CORO2B: variants seen among roughly 807,000 people sequenced by gnomAD.
CORO2B encodes coronin 2B, also known as coronin-2B.
A neutral mutation model predicts 58.8 loss-of-function variants in CORO2B; 26 were observed. The observed-to-expected ratio is 0.44, with a 90% CI of 0.32 to 0.61. The LOEUF (loss-of-function observed/expected upper bound fraction) is 0.61. Ranked by LOEUF, CORO2B falls within the 20% of genes least tolerant of loss-of-function variation. The pLI, the probability that CORO2B is intolerant of heterozygous loss-of-function variation, is 0.04. For missense variants in CORO2B, 460 were observed against 645.1 expected (o/e 0.71, Z 3.11); for synonymous variants, 242 against 253.8 (o/e 0.95, Z 0.44).
chr15:68,622,974 G>T (rs1438237972), intron 1 of CORO2B, among the ~76,000 whole-genome samples: 2 of 152,106 alleles, frequency 1.3e-5, no homozygotes, highest in Non-Finnish European at 2.9e-5. Context: ...GCCCTAGGAG[G>T]TAAACCCCAT....
At position 68,715,162 on chromosome 15, in the gene CORO2B, G is replaced by C. The variant is rs540662795; in HGVS notation, c.871-53G>C. The C allele has an allele frequency of 5.8e-5, 88 of 1,514,150 alleles. 1 individual carries two copies. Among genetic ancestry groups the C allele is most frequent in the Non-Finnish European group, 7.2e-5 (78 of 1,089,832 alleles). 93.8% of individuals were successfully genotyped at this position (1,514,150 alleles called of 1,614,324 possible). A position where few individuals can be genotyped will look rare whatever the true frequency, so the allele number is the denominator to read the frequency against. ...CAGCTGGCTCCTGGGACCAGGCCCT[G>C]CTCTGCCCTCCCTACCTGCCACCTT... On this transcript the variant is annotated intron_variant, in intron 7 of 11. Coordinates refer to ENST00000261861, the MANE Select transcript of CORO2B (RefSeq NM_006091.5).
chr15:68,594,476 C>T (rs1241635678), intron 1 of CORO2B, among the ~76,000 whole-genome samples: 1 of 152,214 alleles, frequency 6.6e-6, no homozygotes. Flanking sequence ...TATCTTGTAT[C>T]TCCCATGGCC....
In CORO2B at chr15:68,719,507, C is replaced by T. The variant is rs112281071; in HGVS notation, c.1266C>T (p.Asn422=). 9.9e-6 allele frequency: 16 copies of T among 1,613,900 alleles called. No homozygotes were observed. The highest frequency in any genetic ancestry group is 6.7e-5 in the East Asian group (3 of 44,894). The part of the protein sequence containing the change: ...PIKEKKSVVV[N]GIDLLENVPP... ...AAGAAAAGAAGAGTGTTGTGGTCAA[C>T]GGAATAGATTTATTAGAAAATGTCC... Residue 422 remains asparagine (N), a synonymous_variant, in exon 11 of 12, where the codon AAC becomes AAT. Coordinates refer to ENST00000261861, the MANE Select transcript of CORO2B (RefSeq NM_006091.5).
the CORO2B span, among the ~76,000 whole-genome samples, chr15:68,560,068 A>G: frequency 6.6e-6 from 1 of 152,166 alleles, no homozygotes; most frequent in Non-Finnish European, 1.5e-5. Flanking sequence ...CGATTTGAAG[A>G]GTCCCGCAAT....
intron 1 of CORO2B, among the ~76,000 whole-genome samples, chr15:68,601,693 C>T (rs754093870): frequency 1.9e-4 from 29 of 152,226 alleles, no homozygotes; most frequent in African/African-American, 4.8e-4. Flanking sequence ...GCTGTGTGTG[C>T]GAAGGCCGGA....
At chr15:68,722,002 T>A (rs1179913242) in intron 11 of CORO2B, among the ~76,000 whole-genome samples, 1 of 152,122 alleles carries the variant, frequency 6.6e-6, no homozygotes, top group Admixed American at 6.5e-5. Context: ...GTCCTCCCAC[T>A]TTCGCCTCCC....
At chr15:68,705,795 C>G (rs778294694) in intron 3 of CORO2B, among the ~76,000 whole-genome samples, 8 of 152,222 alleles carry the variant, frequency 5.3e-5, no homozygotes, top group Non-Finnish European at 1.0e-4. Flanking sequence ...GAAGGCTTCA[C>G]ACTTCCAAGA....
At chr15:68,582,696 A>G (rs58515629) in intron 1 of CORO2B, among the ~76,000 whole-genome samples, 8,974 of 152,240 alleles carry the variant, frequency 0.059, 860 homozygotes, top group African/African-American at 0.2. Context: ...CCTGTGAGCT[A>G]AAGTCTAGGC....
chr15:68,711,027 T>TTTTAATG, intron 4 of CORO2B, 146 bp downstream of exon 4: 1 of 970,370 alleles, frequency 1.0e-6, no homozygotes, highest in Non-Finnish European at 1.4e-6. Context: ...ATTCATTCGC[T>TTTTAATG]ACACGCAACT....
At chr15:68,599,020 C>T (rs183428383) in intron 1 of CORO2B, among the ~76,000 whole-genome samples, 15 of 152,292 alleles carry the variant, frequency 9.8e-5, no homozygotes, top group Middle Eastern at 3.4e-3. Flanking sequence ...TCCTTTGGCT[C>T]GGCCCTGCCC....
At chr15:68,540,759 G>C in the CORO2B span, among the ~76,000 whole-genome samples, 1 of 152,062 alleles carries the variant, frequency 6.6e-6, no homozygotes, top group South Asian at 2.1e-4. Context: ...AACTGCAAGT[G>C]CATGGTGGTT....
intron 2 of CORO2B, among the ~76,000 whole-genome samples, chr15:68,658,147 G>A (rs553261640): frequency 7.2e-5 from 11 of 152,318 alleles, no homozygotes; most frequent in Middle Eastern, 3.4e-3. Flanking sequence ...TGTTGGGCCC[G>A]TTGTCCTCCA....
At chr15:68,702,026 T>G (rs1892664568) in intron 3 of CORO2B, among the ~76,000 whole-genome samples, 1 of 152,208 alleles carries the variant, frequency 6.6e-6, no homozygotes, top group South Asian at 2.1e-4. Flanking sequence ...GTGGATCACC[T>G]GAGGTCAGCA....
At chr15:68,634,795 A>T (rs755586775) in intron 1 of CORO2B, among the ~76,000 whole-genome samples, 1 of 152,182 alleles carries the variant, frequency 6.6e-6, no homozygotes, top group Non-Finnish European at 1.5e-5. Flanking sequence ...TGAATCATCT[A>T]TGTGAACCAC....
intron 1 of CORO2B, among the ~76,000 whole-genome samples, chr15:68,592,824 C>A (rs1899738831): frequency 6.6e-6 from 1 of 152,158 alleles, no homozygotes; most frequent in East Asian, 1.9e-4. Flanking sequence ...GGATATTGAC[C>A]ATGGAGGTGG....
chr15:68,603,630 C>T (rs1384989249), intron 1 of CORO2B, among the ~76,000 whole-genome samples: 2 of 152,036 alleles, frequency 1.3e-5, no homozygotes, highest in Non-Finnish European at 2.9e-5. Flanking sequence ...AGCCCTGGCC[C>T]AGTAGGACTG....
the CORO2B span, among the ~76,000 whole-genome samples, chr15:68,565,908 A>AC: frequency 2.0e-5 from 3 of 152,288 alleles, no homozygotes; most frequent in Non-Finnish European, 4.4e-5. Flanking sequence ...TTCCAGGCCC[A>AC]CAGCCAGCAG....
intron 5 of CORO2B, among the ~76,000 whole-genome samples, chr15:68,712,073 G>C (rs573489754): frequency 6.6e-6 from 1 of 152,336 alleles, no homozygotes; most frequent in Non-Finnish European, 1.5e-5. Context: ...CCAGCCACTT[G>C]ATAGGATGAG....
intron 2 of CORO2B, among the ~76,000 whole-genome samples, chr15:68,662,557 G>C (rs1902049405): frequency 6.6e-6 from 1 of 152,182 alleles, no homozygotes; most frequent in Non-Finnish European, 1.5e-5. Context: ...AGATCACTTT[G>C]TATTGCCATA....
Sources: gnomAD v4.1 joint callset for allele counts (sites outside exome capture counted in the v4.1 genomes callset) on GRCh38, gnomAD v4.1.1 for gene constraint, MANE v1.5 for transcripts, NCBI Gene and HGNC (gene_info 2026-07-23, HGNC 2026-07-21) for gene names.